The following SLCO2A1 variants were observed in gnomAD, a reference collection of about 807,000 sequenced individuals.
SLCO2A1 encodes solute carrier organic anion transporter family member 2A1, also known as matrin F/G 1.
In SLCO2A1, 60 loss-of-function variants were observed where a neutral mutation model predicts 71.7. That is an observed-to-expected ratio of 0.84 (90% CI 0.68 to 1.04). SLCO2A1 has a LOEUF of 1.04. Among genes scored for constraint, SLCO2A1 ranks in the 50% least tolerant of loss-of-function variants. The pLI is 0.00. For synonymous variants in SLCO2A1, 308 were observed against 326.7 expected (o/e 0.94, Z 0.62); for missense variants, 745 against 813.4 (o/e 0.92, Z 1.02).
intron 5 of SLCO2A1, among the ~76,000 whole-genome samples, chr3:133,952,369 G>T (rs1933766293): frequency 6.6e-6 from 1 of 152,206 alleles, no homozygotes; most frequent in African/African-American, 2.4e-5. Flanking sequence ...AGATATCTGT[G>T]ACGTGACTTG....
chr3:133,941,584 T>C (rs150218354), intron 11 of SLCO2A1, among the ~76,000 whole-genome samples: 205 of 147,592 alleles, frequency 1.4e-3, no homozygotes, highest in African/African-American at 4.9e-3. Flanking sequence ...TTGGTACAAA[T>C]GTTGTTTTCT....
intron 3 of SLCO2A1, among the ~76,000 whole-genome samples, chr3:133,955,970 G>A (rs924314113): frequency 2.6e-5 from 4 of 152,156 alleles, no homozygotes; most frequent in African/African-American, 9.7e-5. Context: ...TATGGTTCCT[G>A]TGGCTGTGGC....
At chr3:133,957,931 A>C (rs1303147687) in intron 3 of SLCO2A1, among the ~76,000 whole-genome samples, 1 of 152,206 alleles carries the variant, frequency 6.6e-6, no homozygotes, top group Non-Finnish European at 1.5e-5. Flanking sequence ...AAAGATGCCC[A>C]AGCATGAGAA....
At chr3:133,967,987 C>A (rs1463141404) in intron 3 of SLCO2A1, among the ~76,000 whole-genome samples, 1 of 105,788 alleles carries the variant, frequency 9.5e-6, no homozygotes, top group East Asian at 3.1e-4. Context: ...TCCACACCCC[C>A]CCAACACATG....
intron 2 of SLCO2A1, among the ~76,000 whole-genome samples, chr3:133,979,159 G>A (rs1934526183): frequency 6.6e-6 from 1 of 152,214 alleles, no homozygotes; most frequent in Non-Finnish European, 1.5e-5. Flanking sequence ...CCTGGAGCAA[G>A]CCACTTGTAC....
chr3:133,948,452 C>G, intron 8 of SLCO2A1, 84 bp downstream of exon 8: 1 of 1,437,862 alleles, frequency 7.0e-7, no homozygotes, highest in East Asian at 2.3e-5. Flanking sequence ...GTCTGGCCTG[C>G]GCCCATCCCT....
At chr3:133,960,453 G>A (rs946314910) in intron 3 of SLCO2A1, among the ~76,000 whole-genome samples, 2 of 152,206 alleles carry the variant, frequency 1.3e-5, no homozygotes, top group African/African-American at 2.4e-5. Context: ...GCCAGACACG[G>A]AAAGACAAAT....
chr3:133,992,415 T>C (rs993733335), intron 1 of SLCO2A1, among the ~76,000 whole-genome samples: 4 of 152,150 alleles, frequency 2.6e-5, no homozygotes, highest in Admixed American at 2.0e-4. Context: ...ACACCAGTCA[T>C]CCTAAAAAGC....
At position 134,001,842 on chromosome 3, in the gene SLCO2A1, G is replaced by A. The variant is rs75020885; in HGVS notation, c.97-22224C>T. Among the ~76,000 whole-genome samples the A allele has an allele frequency of 5.3e-3, 814 of 152,224 alleles. 7 individuals carry two copies. Among genetic ancestry groups the A allele is most frequent in the African/African-American group, 0.019 (776 of 41,514 alleles). On this transcript the variant is annotated intron_variant, in intron 1 of 13. Coordinates refer to ENST00000310926, the MANE Select transcript of SLCO2A1 (RefSeq NM_005630.3). Reference sequence around the variant, plus strand: ...CTTGCTCCTCTCCTATCAGAAAACCGTGTTTAGATGACAGCAACAAGAACT... The same window carrying A: ...CTTGCTCCTCTCCTATCAGAAAACCATGTTTAGATGACAGCAACAAGAACT...
intron 3 of SLCO2A1, among the ~76,000 whole-genome samples, chr3:133,969,170 G>A (rs192171908): frequency 4.7e-4 from 71 of 152,308 alleles, no homozygotes; most frequent in African/African-American, 1.6e-3. Flanking sequence ...AGTGGCTCAT[G>A]CCTATAATCC....
intron 3 of SLCO2A1, among the ~76,000 whole-genome samples, chr3:133,968,955 C>T (rs193226044): frequency 9.4e-4 from 143 of 152,324 alleles, no homozygotes; most frequent in African/African-American, 2.7e-3. Flanking sequence ...TTAAAGGTCT[C>T]TGTGATTCCC....
intron 2 of SLCO2A1, 100 bp downstream of exon 2, chr3:133,979,381 C>A: frequency 7.0e-7 from 1 of 1,438,426 alleles, no homozygotes; most frequent in Non-Finnish European, 9.8e-7. Context: ...GGCATTGCAC[C>A]TATGTGCACA....
In SLCO2A1 at chr3:133,953,743, G is replaced by A. The variant is rs764896034; in HGVS notation, c.644C>T (p.Ser215Phe). Residue 215 changes from serine (S) to phenylalanine (F), a missense_variant, in exon 5 of 14, where the codon TCT becomes TTT. Ser to Phe is a radical substitution (Grantham distance 155, BLOSUM62 -2). Coordinates refer to ENST00000310926, the MANE Select transcript of SLCO2A1 (RefSeq NM_005630.3). Reference protein sequence around the residue: ...PLYISILFAISVFGPAFGYLL... With the variant: ...PLYISILFAIFVFGPAFGYLL... Reference sequence around the variant, plus strand: ...GTACCCGAAAGCCGGTCCAAATACAGAGATGGCAAATAAGATGGCTGGAAA... The same window carrying A: ...GTACCCGAAAGCCGGTCCAAATACAAAGATGGCAAATAAGATGGCTGGAAA... 4.3e-6 allele frequency: 7 copies of A among 1,614,022 alleles called. No individual in the cohort carries two copies. Among genetic ancestry groups the A allele is most frequent in the African/African-American group, 1.3e-5 (1 of 74,932 alleles).
chr3:133,948,323 C>A (rs1414289790), intron 8 of SLCO2A1, among the ~76,000 whole-genome samples: 1 of 152,220 alleles, frequency 6.6e-6, no homozygotes, highest in Non-Finnish European at 1.5e-5. Context: ...TCCACCCACT[C>A]CTGACTGGAA....
intron 1 of SLCO2A1, among the ~76,000 whole-genome samples, chr3:134,010,350 C>A (rs1298171877): frequency 6.6e-6 from 1 of 151,874 alleles, no homozygotes. Context: ...ACAATCATGG[C>A]GGATGGTGAA....
intron 1 of SLCO2A1, among the ~76,000 whole-genome samples, chr3:133,994,258 C>G (rs1934913342): frequency 6.6e-6 from 1 of 152,110 alleles, no homozygotes; most frequent in African/African-American, 2.4e-5. Context: ...ACATGTGATC[C>G]CTTTTGTTTA....
chr3:133,995,975 C>G (rs1934955815), intron 1 of SLCO2A1, among the ~76,000 whole-genome samples: 1 of 152,216 alleles, frequency 6.6e-6, no homozygotes, highest in Non-Finnish European at 1.5e-5. Context: ...AGGGCCAGCT[C>G]CATACCAGAG....
At chr3:134,004,040 C>A (rs1935153972) in intron 1 of SLCO2A1, among the ~76,000 whole-genome samples, 1 of 152,136 alleles carries the variant, frequency 6.6e-6, no homozygotes, top group South Asian at 2.1e-4. Flanking sequence ...AATTTTGAAG[C>A]TGCTTAGCCA....
At chr3:133,971,027 C>T (rs1934309442) in intron 3 of SLCO2A1, among the ~76,000 whole-genome samples, 1 of 152,278 alleles carries the variant, frequency 6.6e-6, no homozygotes, top group Non-Finnish European at 1.5e-5. Context: ...CCTGTGGCTG[C>T]TCAGTGTGAG....
Sources: gnomAD v4.1 joint callset for allele counts (sites outside exome capture counted in the v4.1 genomes callset) on GRCh38, gnomAD v4.1.1 for gene constraint, MANE v1.5 for transcripts, NCBI Gene and HGNC (gene_info 2026-07-23, HGNC 2026-07-21) for gene names.